Variants in IL6R observed in about 807,000 individuals in gnomAD.
IL6R encodes interleukin 6 receptor, also known as interleukin-6 receptor subunit alpha.
In IL6R, 38 loss-of-function variants were observed where a neutral mutation model predicts 48.3. The ratio of observed to expected loss-of-function variants is 0.79; its 90% confidence interval spans 0.61 to 1.03. The LOEUF (loss-of-function observed/expected upper bound fraction) is 1.03. Ranked by LOEUF, IL6R falls within the 50% of genes least tolerant of loss-of-function variation. The pLI is 0.00. For synonymous variants in IL6R, 264 were observed against 256.2 expected (o/e 1.03, Z -0.29); for missense variants, 534 against 618.3 (o/e 0.86, Z 1.45).
intron 1 of IL6R, among the ~76,000 whole-genome samples, chr1:154,427,950 G>A (rs1229249673): frequency 6.6e-6 from 1 of 152,230 alleles, no homozygotes; most frequent in African/African-American, 2.4e-5. Flanking sequence ...GCACTCAGCA[G>A]CTGCTGGTCC....
At chr1:154,410,337 G>A (rs1687950407) in intron 1 of IL6R, among the ~76,000 whole-genome samples, 1 of 151,434 alleles carries the variant, frequency 6.6e-6, no homozygotes, top group African/African-American at 2.4e-5. Context: ...CTGCAGCCTC[G>A]ACTTCCTGGT....
chr1:154,436,205 C>T (rs1264316115), intron 6 of IL6R, 95 bp downstream of exon 6: 2 of 1,400,638 alleles, frequency 1.4e-6, no homozygotes, highest in African/African-American at 1.4e-5. Flanking sequence ...AAACTAGTGG[C>T]TTAGGCCAGG....
chr1:154,446,049 G>C (rs1018515982), intron 6 of IL6R, among the ~76,000 whole-genome samples: 2 of 152,044 alleles, frequency 1.3e-5, no homozygotes, highest in African/African-American at 4.8e-5. Flanking sequence ...ACAGGTGTGA[G>C]TCCGGCCTGC....
chr1:154,453,920 G>C (rs1690729632), intron 8 of IL6R, among the ~76,000 whole-genome samples: 1 of 152,212 alleles, frequency 6.6e-6, no homozygotes, highest in Non-Finnish European at 1.5e-5. Context: ...GGAGGAAAAA[G>C]ATCATGGCTT....
intron 1 of IL6R, among the ~76,000 whole-genome samples, chr1:154,409,221 T>C (rs1417630810): frequency 6.6e-6 from 1 of 152,250 alleles, no homozygotes; most frequent in Non-Finnish European, 1.5e-5. Context: ...CTCACATTGC[T>C]AGTGGCTACT....
chr1:154,443,344 C>T (rs114054826), intron 6 of IL6R, among the ~76,000 whole-genome samples: 1,554 of 152,316 alleles, frequency 0.01, 32 homozygotes, highest in African/African-American at 0.036. Flanking sequence ...TGCAGCACTC[C>T]CAAGTGGGAC....
intron 1 of IL6R, among the ~76,000 whole-genome samples, chr1:154,418,203 T>C (rs1688461951): frequency 6.6e-6 from 1 of 152,184 alleles, no homozygotes; most frequent in Non-Finnish European, 1.5e-5. Flanking sequence ...GTTTATAATC[T>C]CTGAGAGTTG....
At chr1:154,454,147 T>TCTCGGTG in intron 8 of IL6R, 1 of 331,716 alleles carries the variant, frequency 3.0e-6, no homozygotes, top group South Asian at 3.6e-5. Flanking sequence ...GCAGGTGGAA[T>TCTCGGTG]GTCACCAGAA....
intron 6 of IL6R, among the ~76,000 whole-genome samples, chr1:154,438,742 T>A (rs1218417961): frequency 2.0e-5 from 3 of 152,142 alleles, no homozygotes; most frequent in Non-Finnish European, 4.4e-5. Context: ...TCCCTTGTCT[T>A]TCCTGTCCTG....
rs528247456 is a variant in IL6R at position 154,424,505 on chromosome 1, G to C, written c.86-4691G>C. ...GAAGGGATATTGCAAGCATTGCACT[G>C]GGAGCAGTTCTCTTTGGGCACTGTT... is the stretch of plus-strand genomic sequence containing the variant. On this transcript the variant is annotated intron_variant, in intron 1 of 9. Transcript: ENST00000368485. 5.3e-4 allele frequency among the ~76,000 whole-genome samples: 80 copies of C among 152,328 alleles called. 1 individual carries two copies. The South Asian group carries it at 9.5e-3, about 18-fold the overall frequency.
chr1:154,456,379 G>A (rs1690890392), intron 9 of IL6R, among the ~76,000 whole-genome samples: 1 of 151,888 alleles, frequency 6.6e-6, no homozygotes, highest in Non-Finnish European at 1.5e-5. Flanking sequence ...CTAATTTTTT[G>A]TATTTTCAGT....
At chr1:154,451,248 T>C (rs1690562540) in intron 8 of IL6R, among the ~76,000 whole-genome samples, 1 of 152,186 alleles carries the variant, frequency 6.6e-6, no homozygotes, top group Non-Finnish European at 1.5e-5. Flanking sequence ...CCGGGCGCGG[T>C]GGCTTACGCC....
chr1:154,440,646 G>A, intron 6 of IL6R, among the ~76,000 whole-genome samples: 1 of 143,004 alleles, frequency 7.0e-6, no homozygotes, highest in Non-Finnish European at 1.5e-5. Context: ...TTTCCCTAAT[G>A]ATTAATGTCT....
rs1690481660 is a variant in IL6R, at chr1:154,449,831, G to A, written c.997-80G>A. 30 of 859,164 alleles carry A rather than the reference G, an allele frequency of 3.5e-5. 1 individual carries two copies. In the South Asian group the frequency reaches 3.7e-4, roughly 11 times the overall value. 53.2% of individuals were successfully genotyped at this position (859,164 alleles called of 1,614,324 possible). A position where few individuals can be genotyped will look rare whatever the true frequency, so the allele number is the denominator to read the frequency against. On this transcript the variant is annotated intron_variant, in intron 7 of 9. Coordinates refer to ENST00000368485, the MANE Select transcript of IL6R (RefSeq NM_000565.4). ...TGGGTGGATCAGGGAGGGCTCTGAGGAGGAGGTAACTCCTGAACTGGTTCT... is the reference window on the plus strand; with the variant it reads ...TGGGTGGATCAGGGAGGGCTCTGAGAAGGAGGTAACTCCTGAACTGGTTCT...
At chr1:154,458,249 C>T (rs1037310874) in intron 9 of IL6R, among the ~76,000 whole-genome samples, 2 of 152,124 alleles carry the variant, frequency 1.3e-5, no homozygotes, top group Non-Finnish European at 2.9e-5. Flanking sequence ...GGATTACAGG[C>T]GTGAGCCACC....
intron 9 of IL6R, among the ~76,000 whole-genome samples, chr1:154,460,481 A>T (rs6695045): frequency 6.6e-6 from 1 of 151,918 alleles, no homozygotes; most frequent in African/African-American, 2.4e-5. Context: ...ATAGGGACTT[A>T]AAAAATATAT....
rs555829250 is a variant in IL6R at position 154,411,162 on chromosome 1, G to A, written c.85+5448G>A. 1.2e-4 allele frequency among the ~76,000 whole-genome samples: 18 copies of A among 152,226 alleles called. No homozygotes were observed. The East Asian group carries it at 2.7e-3, about 23-fold the overall frequency. On this transcript the variant is annotated intron_variant, in intron 1 of 9. Transcript: ENST00000368485. ...CAACCTCTGCCTCCCGGGTTCAAGC[G>A]ATTCTCCTGCCTCTGCCTCCAGAGT...
At chr1:154,423,432 T>C (rs1376743077) in intron 1 of IL6R, among the ~76,000 whole-genome samples, 1 of 151,714 alleles carries the variant, frequency 6.6e-6, no homozygotes, top group Non-Finnish European at 1.5e-5. Context: ...ATGTTACTTG[T>C]TCTGAGAGTC....
At chr1:154,428,164 A>C (rs1689078589) in intron 1 of IL6R, among the ~76,000 whole-genome samples, 1 of 152,186 alleles carries the variant, frequency 6.6e-6, no homozygotes, top group Non-Finnish European at 1.5e-5. Flanking sequence ...ATGACTCTAT[A>C]ACTGCTACTC....
Sources: gnomAD v4.1 joint callset for allele counts (sites outside exome capture counted in the v4.1 genomes callset) on GRCh38, gnomAD v4.1.1 for gene constraint, MANE v1.5 for transcripts, NCBI Gene and HGNC (gene_info 2026-07-23, HGNC 2026-07-21) for gene names.